Variants in EFR3A observed in about 807,000 individuals in gnomAD.
The protein encoded by EFR3A is EFR3 homolog A.
Under a neutral mutation model 104.4 loss-of-function variants are expected in EFR3A, and 76 were observed. That is an observed-to-expected ratio of 0.73 (90% CI 0.60 to 0.88). The LOEUF is 0.88. Among genes scored for constraint, EFR3A ranks in the 40% least tolerant of loss-of-function variants. EFR3A has a pLI of 0.00. For missense variants in EFR3A, 985 were observed against 1,012.5 expected, an observed-to-expected ratio of 0.97 and a Z score of 0.37; for synonymous variants, 330 against 330.0, an observed-to-expected ratio of 1.00 and a Z score of 0.00.
chr8:131,953,687 G>A (rs1012193668), intron 5 of EFR3A, 131 bp from the exon 6 acceptor site: 3 of 897,038 alleles, frequency 3.3e-6, no homozygotes, highest in African/African-American at 3.4e-5. Flanking sequence ...TTAGACTTGT[G>A]TGTTATTTTA....
chr8:131,991,277 C>G (rs1821167904), intron 18 of EFR3A, among the ~76,000 whole-genome samples: 1 of 152,142 alleles, frequency 6.6e-6, no homozygotes, highest in African/African-American at 2.4e-5. Flanking sequence ...ACCACTGTGT[C>G]CCTCCCACAA....
chr8:131,970,339 T>C, intron 9 of EFR3A, 137 bp from the exon 10 acceptor site: 1 of 819,834 alleles, frequency 1.2e-6, no homozygotes. Context: ...TTTAAAAAAA[T>C]GAAATAGTTT....
chr8:131,946,763 A>G (rs774590791), intron 4 of EFR3A, 130 bp downstream of exon 4: 9 of 839,696 alleles, frequency 1.1e-5, no homozygotes, highest in South Asian at 3.2e-5. Flanking sequence ...AACACAAATT[A>G]AGATAATTAG....
intron 1 of EFR3A, among the ~76,000 whole-genome samples, chr8:131,920,257 A>G (rs1816937279): frequency 6.6e-6 from 1 of 152,136 alleles, no homozygotes; most frequent in Non-Finnish European, 1.5e-5. Flanking sequence ...AGCAATGGCC[A>G]TTTTGCTGTG....
At chr8:131,927,484 A>C (rs1817358977) in intron 1 of EFR3A, among the ~76,000 whole-genome samples, 1 of 152,194 alleles carries the variant, frequency 6.6e-6, no homozygotes, top group Admixed American at 6.5e-5. Flanking sequence ...CACACCCTAC[A>C]TCAAAAAATT....
rs1425273561 is a variant in EFR3A at position 131,978,735 on chromosome 8, G to T, written c.1327-112G>T. The stretch of plus-strand genomic sequence containing the variant: ...CATTTCTTTTATGTCTTTTCTCCAG[G>T]CTTCTGTCCATATTTTCTTTCCTAA... On this transcript the variant is annotated intron_variant, in intron 12 of 22. Coordinates refer to ENST00000254624, the MANE Select transcript of EFR3A (RefSeq NM_015137.6). 10 of 813,072 alleles carry T rather than the reference G, an allele frequency of 1.2e-5. No homozygotes were observed. In the East Asian group the frequency reaches 1.5e-4, roughly 12 times the overall value. 50.4% of individuals were successfully genotyped at this position (813,072 alleles called of 1,614,324 possible). A position where few individuals can be genotyped will look rare whatever the true frequency, so the allele number is the denominator to read the frequency against.
chr8:131,982,148 C>T (rs776622977), intron 14 of EFR3A, among the ~76,000 whole-genome samples: 315 of 152,188 alleles, frequency 2.1e-3, no homozygotes, highest in Non-Finnish European at 3.9e-3. Context: ...ATTGCTCTGA[C>T]TTTGATGGAA....
intron 19 of EFR3A, among the ~76,000 whole-genome samples, chr8:131,997,983 T>G (rs938480143): frequency 6.6e-6 from 1 of 152,086 alleles, no homozygotes; most frequent in African/African-American, 2.4e-5. Context: ...GTTAATATTT[T>G]TATTAACTTT....
In EFR3A at chr8:131,945,790, T is replaced by C. The variant is rs186191766; in HGVS notation, c.216-693T>C. ...ATCACTTCTGTGTGTTGGGAACATT[T>C]CAAGTCCTTTTCTAGCTACTCTGAG... On this transcript the variant is annotated intron_variant, in intron 3 of 22. Transcript: ENST00000254624. 2.1e-3 allele frequency among the ~76,000 whole-genome samples: 317 copies of C among 152,216 alleles called. 3 individuals are homozygous for C. The highest frequency in any genetic ancestry group is 7.4e-3 in the African/African-American group (309 of 41,564).
intron 22 of EFR3A, among the ~76,000 whole-genome samples, chr8:132,006,963 T>G (rs2130817212): frequency 6.6e-6 from 1 of 152,048 alleles, no homozygotes; most frequent in East Asian, 1.9e-4. Flanking sequence ...AATGTTCATT[T>G]AAGACAAAAA....
chr8:131,964,248 A>T (rs1819566016), intron 8 of EFR3A, among the ~76,000 whole-genome samples: 1 of 151,932 alleles, frequency 6.6e-6, no homozygotes, highest in Non-Finnish European at 1.5e-5. Context: ...AAGGAAATAA[A>T]GGGTATTCAA....
At chr8:131,954,919 T>A (rs1442716143) in intron 6 of EFR3A, among the ~76,000 whole-genome samples, 1 of 152,128 alleles carries the variant, frequency 6.6e-6, no homozygotes, top group East Asian at 1.9e-4. Flanking sequence ...CTTACACTAA[T>A]TACAGAAAGG....
chr8:131,920,705 G>T (rs1586535226), intron 1 of EFR3A, among the ~76,000 whole-genome samples: 1 of 149,252 alleles, frequency 6.7e-6, no homozygotes, highest in South Asian at 2.1e-4. Flanking sequence ...TTTTCAAAAA[G>T]AACTTTCTCA....
chr8:131,912,505 TA>T (rs1563807884), intron 1 of EFR3A, among the ~76,000 whole-genome samples: 3 of 152,204 alleles, frequency 2.0e-5, no homozygotes, highest in African/African-American at 7.2e-5. Context: ...GACAGAAGTT[TA>T]GATTGGTACA....
At chr8:131,989,870 A>G (rs1821075619) in intron 18 of EFR3A, among the ~76,000 whole-genome samples, 2 of 152,232 alleles carry the variant, frequency 1.3e-5, no homozygotes, top group South Asian at 2.1e-4. Flanking sequence ...GCCTGGCATC[A>G]TCATAATGTG....
chr8:131,923,390 CAA>C (rs1817145743), intron 1 of EFR3A, among the ~76,000 whole-genome samples: 1 of 151,778 alleles, frequency 6.6e-6, no homozygotes, highest in Non-Finnish European at 1.5e-5. Flanking sequence ...TTTCTATTCT[CAA>C]TATTTGTGAC....
chr8:131,984,672 T>C (rs1240562364), intron 15 of EFR3A, among the ~76,000 whole-genome samples: 1 of 152,182 alleles, frequency 6.6e-6, no homozygotes, highest in African/African-American at 2.4e-5. Context: ...TGGCCATATA[T>C]GCATGTCCGT....
chr8:132,009,921 T>G (rs1448707915), intron 22 of EFR3A, among the ~76,000 whole-genome samples: 2 of 152,072 alleles, frequency 1.3e-5, no homozygotes, highest in African/African-American at 4.8e-5. Context: ...AAAGCATCTG[T>G]ATCATATGAC....
chr8:131,944,641 G>A (rs945775205), intron 2 of EFR3A, 104 bp from the exon 3 acceptor site: 241 of 1,155,656 alleles, frequency 2.1e-4, no homozygotes, highest in Admixed American at 1.0e-3. Context: ...CATAAATATC[G>A]TTTAATCCCC....
Sources: allele counts gnomAD v4.1 joint callset (sites outside exome capture counted in the v4.1 genomes callset), GRCh38; gene constraint gnomAD v4.1.1; transcripts MANE v1.5; gene names NCBI Gene and HGNC (gene_info 2026-07-23, HGNC 2026-07-21).